The following ZNF709 variants were observed in gnomAD, a reference collection of about 807,000 sequenced individuals.
ZNF709 encodes zinc finger protein 709.
ZNF709 carries 15 observed loss-of-function variants against 10.6 expected under a neutral mutation model. The ratio of observed to expected loss-of-function variants is 1.41; its 90% CI spans 0.95 to 2.18. The LOEUF is 2.18. ZNF709 is among the 30% of genes most tolerant of loss of function. The probability of loss-of-function intolerance (pLI) is 0.00; values close to 1 mark genes in which losing one functional copy is unlikely to be tolerated. For synonymous variants in ZNF709, 194 were observed against 238.8 expected, an observed-to-expected ratio of 0.81 and a Z score of 1.73; for missense variants, 589 against 774.0, an observed-to-expected ratio of 0.76 and a Z score of 2.84.
chr19:12,463,321 A>G lies in ZNF709; in HGVS notation c.*675T>C, dbSNP rs1236928710. The G allele has an allele frequency of 6.6e-6, 1 of 152,222 alleles. No homozygotes were observed. The highest frequency in any genetic ancestry group is 1.5e-5 in the Non-Finnish European group (1 of 68,026). The allele number at this position is 152,222 out of a possible 1,614,324, so 9.4% of individuals were successfully genotyped here. A position where few individuals can be genotyped will look rare whatever the true frequency, so the allele number is the denominator to read the frequency against. On this transcript the variant is annotated 3_prime_UTR_variant, in exon 4 of 4. Transcript: ENST00000397732. The stretch of plus-strand genomic sequence containing the variant: ...GTCGCTTTCCAGTGTGAGTTTGTTC[A>G]TGGTTTCCAAGTAAACTAAGACAAA...
At chr19:12,482,421 T>A (rs1970737292) in intron 1 of ZNF709, among the ~76,000 whole-genome samples, 1 of 151,998 alleles carries the variant, frequency 6.6e-6, no homozygotes, top group African/African-American at 2.4e-5. Flanking sequence ...CTCCACACAT[T>A]CCCTCACCCC....
At chr19:12,475,281 A>AAAAAAAAACAC (rs1568248274) in intron 1 of ZNF709, among the ~76,000 whole-genome samples, 1 of 150,796 alleles carries the variant, frequency 6.6e-6, no homozygotes, top group Non-Finnish European at 1.5e-5. Flanking sequence ...AAAAAAAAAA[A>AAAAAAAAACAC]ATCTAAGCAT....
chr19:12,476,590 T>C (rs186644752), intron 1 of ZNF709, among the ~76,000 whole-genome samples: 8 of 152,272 alleles, frequency 5.3e-5, no homozygotes, highest in Admixed American at 2.0e-4. Context: ...CTAGAGCCTT[T>C]TGCGGTAGGG....
At chr19:12,469,233 C>T (rs370529064) in intron 1 of ZNF709, among the ~76,000 whole-genome samples, 8 of 152,198 alleles carry the variant, frequency 5.3e-5, no homozygotes, top group African/African-American at 1.7e-4. Context: ...GCCCGTGCAA[C>T]TTGCAACAAC....
chr19:12,465,548 G>A lies in ZNF709; in HGVS notation c.374C>T (p.Thr125Ile), dbSNP rs763882660. 4 of 1,613,536 alleles carry A rather than the reference G, an allele frequency of 2.5e-6. No individual in the cohort carries two copies. The Admixed American group carries it at 5.0e-5, about 20-fold the overall frequency. ...SSLNRHMRSH[T>I]EHRSYEYHKY... The stretch of plus-strand genomic sequence containing the variant: ...GTGATATTCATATGATCTATGTTCA[G>A]TATGAGATCTCATGTGCCTATTAAG... Residue 125 changes from threonine (T) to isoleucine (I), a missense_variant, in exon 4 of 4, where the codon ACT becomes ATT. Coordinates refer to ENST00000397732, the MANE Select transcript of ZNF709 (RefSeq NM_152601.4).
chr19:12,461,550 G>A lies in ZNF709; in HGVS notation c.*2446C>T, dbSNP rs1386293026. On this transcript the variant is annotated 3_prime_UTR_variant, in exon 4 of 4. Transcript: ENST00000397732. ...GTCACGGTGGAATCAGAAACACATA[G>A]TCACTGGTACTGTTAACAAAACATG... The A allele has an allele frequency of 6.6e-6, 1 of 152,138 alleles. No individual in the cohort carries two copies. Among genetic ancestry groups the A allele is most frequent in the Non-Finnish European group, 1.5e-5 (1 of 68,048 alleles). 9.4% of individuals were successfully genotyped at this position (152,138 alleles called of 1,614,324 possible). A position where few individuals can be genotyped will look rare whatever the true frequency, so the allele number is the denominator to read the frequency against.
intron 1 of ZNF709, among the ~76,000 whole-genome samples, chr19:12,476,054 T>C (rs1970675657): frequency 6.6e-6 from 1 of 152,150 alleles, no homozygotes; most frequent in Admixed American, 6.5e-5. Flanking sequence ...AAACAGACGT[T>C]ACACCTTAAA....
intron 1 of ZNF709, among the ~76,000 whole-genome samples, chr19:12,481,776 G>A (rs1970729230): frequency 6.6e-6 from 1 of 151,898 alleles, no homozygotes; most frequent in Non-Finnish European, 1.5e-5. Flanking sequence ...GTGTGACAGT[G>A]CACACCTGTA....
Position 12,484,700 on chromosome 19 carries a change from C to T in ZNF709, c.-43G>A. The T allele has an allele frequency of 6.2e-7, 1 of 1,613,974 alleles. No homozygotes were observed. The highest frequency in any genetic ancestry group is 1.7e-5 in the Admixed American group (1 of 60,014). On this transcript the variant is annotated 5_prime_UTR_variant, in exon 1 of 4. Coordinates refer to ENST00000397732, the MANE Select transcript of ZNF709 (RefSeq NM_152601.4). Reference sequence around the variant, plus strand: ...GTCCTGGTGTTCTGTTTACCTCTCCCGCGGCCAGCACAGGTCCTACCTCCA... The same window carrying T: ...GTCCTGGTGTTCTGTTTACCTCTCCTGCGGCCAGCACAGGTCCTACCTCCA...
intron 1 of ZNF709, among the ~76,000 whole-genome samples, chr19:12,483,624 G>A (rs989823703): frequency 6.6e-6 from 1 of 151,832 alleles, no homozygotes; most frequent in Non-Finnish European, 1.5e-5. Context: ...TGCAACCTCT[G>A]CCTCCCGGGT....
intron 1 of ZNF709, among the ~76,000 whole-genome samples, chr19:12,471,493 G>A (rs1456560478): frequency 4.6e-5 from 7 of 151,968 alleles, no homozygotes; most frequent in Non-Finnish European, 1.0e-4. Context: ...AACCTAAGAG[G>A]AACAATAAAT....
In ZNF709 at chr19:12,464,779, G is replaced by A. The variant is rs777905961; in HGVS notation, c.1143C>T (p.Ile381=). ...TCTCTCCAGTGTGAGTTCGTTCATG[G>A]ATTTGAAAAGAACTAGGACAATCAA... ...KAFDCPSSFQ[I]HERTHTGEKP... is the part of the protein sequence containing the mutation. Residue 381 remains isoleucine (I), a synonymous_variant, in exon 4 of 4, where the codon ATC becomes ATT. Coordinates refer to ENST00000397732, the MANE Select transcript of ZNF709 (RefSeq NM_152601.4). The A allele has an allele frequency of 1.2e-6, 2 of 1,612,472 alleles. No individual in the cohort carries two copies. Among genetic ancestry groups the A allele is most frequent in the South Asian group, 1.1e-5 (1 of 90,868 alleles).
intron 1 of ZNF709, among the ~76,000 whole-genome samples, chr19:12,478,771 G>A (rs1970696918): frequency 6.6e-6 from 1 of 152,198 alleles, no homozygotes; most frequent in African/African-American, 2.4e-5. Context: ...GGGGCTACAA[G>A]AGAGTACCTG....
chr19:12,481,957 G>GAAGGAAAGGAAGAAGGA (rs71166686), intron 1 of ZNF709, among the ~76,000 whole-genome samples: 2 of 141,686 alleles, frequency 1.4e-5, no homozygotes, highest in African/African-American at 5.4e-5. Context: ...AAGAAAGGAG[G>GAAGGAAAGGAAGAAGGA]AAGGAAAGGA....
chr19:12,484,773 C>A lies in ZNF709; in HGVS notation c.-116G>T. On this transcript the variant is annotated 5_prime_UTR_variant, in exon 1 of 4. Coordinates refer to ENST00000397732, the MANE Select transcript of ZNF709 (RefSeq NM_152601.4). ...AGGGCCTTCTGGGGTGAGGAGACCC[C>A]AGAGCGGAGCGCAGCGGCTGGTAGC... The A allele has an allele frequency of 7.0e-7, 1 of 1,423,674 alleles. No individual in the cohort carries two copies. 88.2% of individuals were successfully genotyped at this position (1,423,674 alleles called of 1,614,324 possible). A position where few individuals can be genotyped will look rare whatever the true frequency, so the allele number is the denominator to read the frequency against.
At position 12,464,687 on chromosome 19, in the gene ZNF709, C is replaced by A. The variant is rs771815283; in HGVS notation, c.1235G>T (p.Arg412Ile). The A allele has an allele frequency of 1.9e-6, 3 of 1,614,004 alleles. No individual in the cohort carries two copies. Among genetic ancestry groups the A allele is most frequent in the Non-Finnish European group, 2.5e-6 (3 of 1,179,960 alleles). The part of the protein sequence containing the change: ...SCSSSFRMHE[R>I]THTGEKPHEC... ...ATGGGGTTTCTCTCCAGTGTGAGTT[C>A]TTTCATGCATTCGAAAGGAACTGGA... Residue 412 changes from arginine to isoleucine, a missense_variant, in exon 4 of 4, where the codon AGA (arginine) becomes ATA (isoleucine). Coordinates refer to ENST00000397732, the MANE Select transcript of ZNF709 (RefSeq NM_152601.4).
At position 12,464,051 on chromosome 19, in the gene ZNF709, G is replaced by A; in HGVS notation, c.1871C>T (p.Ala624Val). The change falls in exon 4 of 4, where the codon GCC (alanine) becomes GTC (valine). Residue 624 changes from alanine (A) to valine (V), a missense_variant. Around this residue, in one of 2 missense-constraint regions of ZNF709, gnomAD observed 171 missense variants for 277.7 expected, o/e 0.62. Coordinates refer to ENST00000397732, the MANE Select transcript of ZNF709 (RefSeq NM_152601.4). Reference protein sequence around the residue: ...KPYACQQCGKAFKCSRSFRIH... With the variant: ...KPYACQQCGKVFKCSRSFRIH... The stretch of plus-strand genomic sequence containing the variant: ...TCGAAAGGAACGGGAACACTTGAAG[G>A]CTTTACCACATTGTTGACATGCATA... The A allele has an allele frequency of 6.5e-7, 1 of 1,536,970 alleles. No homozygotes were observed.
At chr19:12,467,947 G>A (rs1314977643) in intron 1 of ZNF709, among the ~76,000 whole-genome samples, 15 of 150,524 alleles carry the variant, frequency 1.0e-4, no homozygotes, top group African/African-American at 2.2e-4. Context: ...GTCAGCCCCC[G>A]CACGGCCAGC....
chr19:12,479,565 G>A (rs1970703959), intron 1 of ZNF709, among the ~76,000 whole-genome samples: 1 of 151,950 alleles, frequency 6.6e-6, no homozygotes, highest in African/African-American at 2.4e-5. Flanking sequence ...TTCTACGTAT[G>A]AAACAATCCT....
Sources: gnomAD v4.1 joint callset for allele counts (sites outside exome capture counted in the v4.1 genomes callset) on GRCh38, gnomAD v4.1.1 for gene constraint, gnomAD v4.1.1 regional missense constraint, MANE v1.5 for transcripts, NCBI Gene and HGNC (gene_info 2026-07-23, HGNC 2026-07-21) for gene names.